TMED3: variants seen among roughly 807,000 people sequenced by gnomAD.
TMED3 encodes the protein transmembrane emp24 domain-containing protein 3.
Under a neutral mutation model 15.0 loss-of-function variants are expected in TMED3, and 9 were observed. That is an observed-to-expected ratio of 0.60 (90% CI 0.36 to 1.04). The LOEUF is 1.04. TMED3 is among the 50% of genes least tolerant of loss of function. The pLI is 0.01. For synonymous variants in TMED3, 117 were observed against 121.4 expected, an observed-to-expected ratio of 0.96 and a Z score of 0.24; for missense variants, 267 against 278.9, an observed-to-expected ratio of 0.96 and a Z score of 0.30.
At chr15:79,341,818 A>AATG (rs2058852799) in intron 2 of TMED3, among the ~76,000 whole-genome samples, 1 of 152,252 alleles carries the variant, frequency 6.6e-6, no homozygotes, top group East Asian at 1.9e-4. Context: ...GACATTTGAC[A>AATG]ATGTCTGGAG....
At chr15:79,394,507 G>A (rs2141254940) in intron 2 of TMED3, among the ~76,000 whole-genome samples, 1 of 152,296 alleles carries the variant, frequency 6.6e-6, no homozygotes, top group South Asian at 2.1e-4. Context: ...TGTTACTGGA[G>A]CAGCAGTTCT....
intron 1 of TMED3, among the ~76,000 whole-genome samples, chr15:79,313,399 T>A (rs1479621607): frequency 1.3e-5 from 2 of 152,172 alleles, no homozygotes; most frequent in South Asian, 2.1e-4. Flanking sequence ...TCAAGGCAGA[T>A]CTCATCTCAC....
chr15:79,408,007 C>T (rs1230333798), intron 2 of TMED3, among the ~76,000 whole-genome samples: 1 of 152,158 alleles, frequency 6.6e-6, no homozygotes, highest in Non-Finnish European at 1.5e-5. Context: ...TAGTTCCTAC[C>T]CTTCCTGCTT....
intron 2 of TMED3, among the ~76,000 whole-genome samples, chr15:79,343,253 G>A (rs1227143631): frequency 2.0e-5 from 3 of 152,100 alleles, no homozygotes; most frequent in African/African-American, 7.2e-5. Context: ...TCACTACAGA[G>A]ATCTCTTCCA....
chr15:79,368,498 A>G (rs1295505893), intron 2 of TMED3, among the ~76,000 whole-genome samples: 2 of 152,208 alleles, frequency 1.3e-5, no homozygotes, highest in East Asian at 1.9e-4. Flanking sequence ...GAAAGGACCT[A>G]TGATAGGACT....
At chr15:79,332,835 AT>A (rs1234167202) in intron 2 of TMED3, among the ~76,000 whole-genome samples, 12 of 152,178 alleles carry the variant, frequency 7.9e-5, no homozygotes, top group Non-Finnish European at 2.9e-5. Flanking sequence ...ATATTGTATG[AT>A]GTGGGACATG....
intron 2 of TMED3, among the ~76,000 whole-genome samples, chr15:79,362,819 G>T (rs1297004659): frequency 1.3e-5 from 2 of 152,228 alleles, no homozygotes; most frequent in Non-Finnish European, 2.9e-5. Context: ...CCCCAGCCAT[G>T]TGGAACTGTG....
At position 79,322,714 on chromosome 15, in the gene TMED3, G is replaced by A; in HGVS notation, c.*500G>A. ...GACTTTGCAGATCTGCTCACCCTCG[G>A]TGAGCAACAGTGTCAGCCATGCAAG... On this transcript the variant is annotated 3_prime_UTR_variant, in exon 3 of 3. Transcript: ENST00000299705. 1.0e-6 allele frequency: 1 copy of A among 985,984 alleles called. No individual in the cohort carries two copies. Among genetic ancestry groups the A allele is most frequent in the Non-Finnish European group, 1.2e-6 (1 of 830,450 alleles). 61.1% of individuals were successfully genotyped at this position (985,984 alleles called of 1,614,324 possible).
chr15:79,370,093 T>C (rs1424232271), intron 2 of TMED3, among the ~76,000 whole-genome samples: 5 of 151,972 alleles, frequency 3.3e-5, no homozygotes, highest in Non-Finnish European at 1.5e-5. Flanking sequence ...AAAGGCTATA[T>C]GTGCATTTTT....
At chr15:79,319,399 G>C (rs1329467549) in intron 2 of TMED3, among the ~76,000 whole-genome samples, 1 of 152,212 alleles carries the variant, frequency 6.6e-6, no homozygotes. Context: ...CAGAATTAAG[G>C]ATACCCAATG....
chr15:79,380,709 C>A (rs1276834581), intron 2 of TMED3, among the ~76,000 whole-genome samples: 2 of 151,600 alleles, frequency 1.3e-5, no homozygotes, highest in Non-Finnish European at 2.9e-5. Flanking sequence ...AGAGGTGAAA[C>A]CCTTCACTGC....
At chr15:79,339,681 G>T (rs1170428712) in intron 2 of TMED3, among the ~76,000 whole-genome samples, 2 of 152,114 alleles carry the variant, frequency 1.3e-5, no homozygotes, top group Non-Finnish European at 2.9e-5. Flanking sequence ...GGTAGTGATG[G>T]TGATGATGGT....
exon 3 of TMED3, chr15:79,413,780 C>T (rs1356722812): frequency 6.6e-6 from 1 of 152,182 alleles, no homozygotes; most frequent in African/African-American, 2.4e-5. Flanking sequence ...GTAAGGATGC[C>T]TTCATACCAA....
At chr15:79,395,617 T>C (rs1246771767) in intron 2 of TMED3, among the ~76,000 whole-genome samples, 9 of 152,260 alleles carry the variant, frequency 5.9e-5, no homozygotes. Context: ...TTTTTTGTTA[T>C]TATTATTTAG....
At chr15:79,400,828 C>T (rs28496116) in intron 2 of TMED3, among the ~76,000 whole-genome samples, 47,091 of 152,136 alleles carry the variant, frequency 0.31, 8,693 homozygotes, top group Middle Eastern at 0.5. Flanking sequence ...TCCACAACAA[C>T]GTAACAAACT....
At chr15:79,348,931 G>A (rs942116311) in intron 2 of TMED3, among the ~76,000 whole-genome samples, 4 of 152,146 alleles carry the variant, frequency 2.6e-5, no homozygotes, top group Non-Finnish European at 5.9e-5. Context: ...TCCCAGGTGG[G>A]TGATCCTCCC....
At chr15:79,366,619 G>A (rs1031856431) in intron 2 of TMED3, among the ~76,000 whole-genome samples, 1 of 152,166 alleles carries the variant, frequency 6.6e-6, no homozygotes, top group African/African-American at 2.4e-5. Flanking sequence ...TTGGTTCGGG[G>A]ATAGTGCCCA....
chr15:79,386,926 C>A (rs1456589997), intron 2 of TMED3, among the ~76,000 whole-genome samples: 4 of 146,438 alleles, frequency 2.7e-5, no homozygotes, highest in Non-Finnish European at 6.0e-5. Flanking sequence ...TCTTTTTAAT[C>A]TTTTAATCTT....
chr15:79,372,334 T>A (rs1251087769), intron 2 of TMED3, among the ~76,000 whole-genome samples: 2 of 152,174 alleles, frequency 1.3e-5, no homozygotes, highest in Non-Finnish European at 2.9e-5. Flanking sequence ...GAAATTAACT[T>A]TTATTGTTCT....
Sources: allele counts gnomAD v4.1 joint callset (sites outside exome capture counted in the v4.1 genomes callset), GRCh38; gene constraint gnomAD v4.1.1; transcripts MANE v1.5; gene names NCBI Gene and HGNC (gene_info 2026-07-23, HGNC 2026-07-21).